TGFB2: variants seen among roughly 807,000 people sequenced by gnomAD.
TGFB2 encodes the protein transforming growth factor beta-2 proprotein.
Under a neutral mutation model 42.7 loss-of-function variants are expected in TGFB2, and 13 were observed. The ratio of observed to expected loss-of-function variants is 0.30; its 90% CI spans 0.20 to 0.48. The LOEUF (loss-of-function observed/expected upper bound fraction) is 0.48, where lower values mean the gene tolerates loss of function less well. Ranked by LOEUF, TGFB2 falls within the 20% of genes least tolerant of loss-of-function variation. The probability of loss-of-function intolerance (pLI) is 0.99; values close to 1 mark genes in which losing one functional copy is unlikely to be tolerated. For synonymous variants in TGFB2, 193 were observed against 193.6 expected, an observed-to-expected ratio of 1.00 and a Z score of 0.03; for missense variants, 390 against 517.5, an observed-to-expected ratio of 0.75 and a Z score of 2.39.
intron 1 of TGFB2, among the ~76,000 whole-genome samples, chr1:218,359,118 A>G (rs1282646335): frequency 1.3e-5 from 2 of 152,100 alleles, no homozygotes; most frequent in African/African-American, 2.4e-5. Flanking sequence ...TCTGACTCCT[A>G]CCTGGAAGTA....
chr1:218,372,994 T>C (rs938221001), intron 1 of TGFB2, among the ~76,000 whole-genome samples: 13 of 152,114 alleles, frequency 8.5e-5, no homozygotes, highest in Non-Finnish European at 1.6e-4. Context: ...CTGATCACCA[T>C]GGACAAACCC....
chr1:218,436,265 G>T (rs1366989265), intron 5 of TGFB2, 118 bp downstream of exon 5: 2 of 970,468 alleles, frequency 2.1e-6, no homozygotes, highest in Non-Finnish European at 1.5e-6. Flanking sequence ...CAGATAGAGT[G>T]CAGTACAGCT....
chr1:218,353,169 T>C (rs993937150), intron 1 of TGFB2, among the ~76,000 whole-genome samples: 4 of 152,216 alleles, frequency 2.6e-5, no homozygotes, highest in African/African-American at 9.6e-5. Flanking sequence ...TTATGAGCGA[T>C]ACCCCAGGAA....
At chr1:218,367,411 T>G (rs1273442454) in intron 1 of TGFB2, among the ~76,000 whole-genome samples, 3 of 152,204 alleles carry the variant, frequency 2.0e-5, no homozygotes, top group African/African-American at 7.2e-5. Flanking sequence ...CAGGCAAGAA[T>G]CTGACCAACC....
intron 1 of TGFB2, among the ~76,000 whole-genome samples, chr1:218,373,185 A>T (rs1205870792): frequency 1.3e-5 from 2 of 152,142 alleles, no homozygotes; most frequent in African/African-American, 2.4e-5. Flanking sequence ...TCTCAAAAAA[A>T]AGTTTCCCAG....
At chr1:218,441,055 C>T in intron 6 of TGFB2, 149 bp from the exon 7 acceptor site, 2 of 676,476 alleles carry the variant, frequency 3.0e-6, no homozygotes, top group South Asian at 4.9e-5. Context: ...ATCAGTTTGA[C>T]TGTAATTTAG....
At chr1:218,415,420 C>T (rs1426817498) in intron 2 of TGFB2, among the ~76,000 whole-genome samples, 3 of 151,926 alleles carry the variant, frequency 2.0e-5, no homozygotes, top group African/African-American at 4.8e-5. Context: ...GCAGGCCGGG[C>T]GCGGTGGCTC....
At chr1:218,362,313 A>G (rs10482734) in intron 1 of TGFB2, among the ~76,000 whole-genome samples, 6 of 152,298 alleles carry the variant, frequency 3.9e-5, no homozygotes, top group African/African-American at 1.4e-4. Flanking sequence ...GTATGAAAGG[A>G]GCCAGGAAAG....
At position 218,345,564 on chromosome 1, in the gene TGFB2, CAGAG is replaced by C. The variant is rs1656633697; in HGVS notation, c.-1135_-1132del. On this transcript the variant is annotated 5_prime_UTR_variant, in exon 1 of 7. Transcript: ENST00000366930. ...CTGCCCGGCTGCAGACAGGAGGAGA[CAGAG>C]AGGATCTATTTTAGGGTGGCAAGTG... 6.5e-6 allele frequency: 1 copy of C among 152,852 alleles called. No homozygotes were observed. The highest frequency in any genetic ancestry group is 2.4e-5 in the African/African-American group (1 of 41,440). The allele number at this position is 152,852 out of a possible 1,614,324, so 9.5% of individuals were successfully genotyped here.
chr1:218,437,628 C>A (rs1042716454), intron 6 of TGFB2, 132 bp downstream of exon 6: 2 of 990,642 alleles, frequency 2.0e-6, no homozygotes, highest in African/African-American at 1.7e-5. Context: ...GGAGAAAAAT[C>A]TTTCATTAGG....
At chr1:218,390,113 G>T (rs1358901295) in intron 1 of TGFB2, among the ~76,000 whole-genome samples, 1 of 152,152 alleles carries the variant, frequency 6.6e-6, no homozygotes, top group Non-Finnish European at 1.5e-5. Context: ...CTTTAAAGAG[G>T]ACTTAGTAAA....
At chr1:218,397,204 G>T (rs1397779145) in intron 1 of TGFB2, among the ~76,000 whole-genome samples, 1 of 150,792 alleles carries the variant, frequency 6.6e-6, no homozygotes, top group Non-Finnish European at 1.5e-5. Flanking sequence ...AGAGGCGGAG[G>T]TTGCAGTGAG....
At chr1:218,366,075 T>C (rs895902023) in intron 1 of TGFB2, among the ~76,000 whole-genome samples, 1 of 152,208 alleles carries the variant, frequency 6.6e-6, no homozygotes. Context: ...AAATCATTTT[T>C]CTCTTTTCAA....
intron 1 of TGFB2, among the ~76,000 whole-genome samples, chr1:218,352,742 C>T (rs1385529132): frequency 6.6e-6 from 1 of 152,208 alleles, no homozygotes; most frequent in East Asian, 1.9e-4. Context: ...GCCCCTTGGC[C>T]TCTTCCCTAC....
At chr1:218,400,155 G>A (rs1199415575) in intron 1 of TGFB2, among the ~76,000 whole-genome samples, 3 of 151,898 alleles carry the variant, frequency 2.0e-5, no homozygotes, top group African/African-American at 7.3e-5. Context: ...TGAGGCTTCG[G>A]CAGGGCTAGC....
intron 1 of TGFB2, among the ~76,000 whole-genome samples, chr1:218,403,532 A>T (rs1183980252): frequency 5.9e-5 from 9 of 152,214 alleles, no homozygotes; most frequent in Non-Finnish European, 1.5e-5. Flanking sequence ...GATCGGCAAG[A>T]TGGCTCATTT....
intron 2 of TGFB2, among the ~76,000 whole-genome samples, chr1:218,411,598 G>T (rs1571880857): frequency 6.6e-6 from 1 of 152,176 alleles, no homozygotes; most frequent in East Asian, 1.9e-4. Flanking sequence ...GGCTGGGCAT[G>T]GTGGCTTACG....
At chr1:218,429,166 A>G (rs1476343383) in intron 2 of TGFB2, among the ~76,000 whole-genome samples, 1 of 152,002 alleles carries the variant, frequency 6.6e-6, no homozygotes, top group Non-Finnish European at 1.5e-5. Flanking sequence ...TTTTTAATAG[A>G]GACGGGGTTT....
At chr1:218,379,206 C>G (rs1474039511) in intron 1 of TGFB2, among the ~76,000 whole-genome samples, 14 of 150,804 alleles carry the variant, frequency 9.3e-5, no homozygotes, top group Non-Finnish European at 1.8e-4. Flanking sequence ...GATCTCGGCT[C>G]ACTGCAAGCT....
Sources: allele counts gnomAD v4.1 joint callset (sites outside exome capture counted in the v4.1 genomes callset), GRCh38; gene constraint gnomAD v4.1.1; transcripts MANE v1.5; gene names NCBI Gene and HGNC (gene_info 2026-07-23, HGNC 2026-07-21).